Variants in CCKBR observed in about 807,000 individuals in gnomAD.
CCKBR encodes cholecystokinin B receptor.
Under a neutral mutation model 34.6 loss-of-function variants are expected in CCKBR, and 33 were observed. The ratio of observed to expected loss-of-function variants is 0.95; its 90% CI spans 0.72 to 1.27. The LOEUF is 1.27. Among genes scored for constraint, CCKBR ranks in the 50% most tolerant of loss-of-function variants. The pLI is 0.00. For missense variants in CCKBR, 652 were observed against 617.4 expected, an observed-to-expected ratio of 1.06 and a Z score of -0.59; for synonymous variants, 269 against 267.5, an observed-to-expected ratio of 1.01 and a Z score of -0.06.
At position 6,260,104 on chromosome 11, in the gene CCKBR, C is replaced by G. The variant is rs185132447; in HGVS notation, c.151+25C>G. 86 of 1,567,504 alleles carry G rather than the reference C, an allele frequency of 5.5e-5. 1 individual carries two copies. In the Admixed American group the frequency reaches 7.3e-4, roughly 13 times the overall value. On this transcript the variant is annotated intron_variant, in intron 1 of 4. Transcript: ENST00000334619. ...GGTGGGTGCCTCCCTCAGCCCCCCC[C>G]ACAAGCTATTTCTCACTGTACCCCA...
Position 6,259,864 on chromosome 11 carries a change from C to G in CCKBR, c.-65C>G. 7.7e-7 allele frequency: 1 copy of G among 1,297,960 alleles called. No homozygotes were observed. Among genetic ancestry groups the G allele is most frequent in the Non-Finnish European group, 1.0e-6 (1 of 996,616 alleles). The allele number at this position is 1,297,960 out of a possible 1,614,324, so 80.4% of individuals were successfully genotyped here. A position where few individuals can be genotyped will look rare whatever the true frequency, so the allele number is the denominator to read the frequency against. ...GCCTGAGCCGGAATCGCAGCGTGAGCAGGTGGAGCCGCGTTGGGAGCCCGC... is the reference window on the plus strand; with the variant it reads ...GCCTGAGCCGGAATCGCAGCGTGAGGAGGTGGAGCCGCGTTGGGAGCCCGC... On this transcript the variant is annotated 5_prime_UTR_variant, in exon 1 of 5. Transcript: ENST00000334619.
rs535193287 is a variant in CCKBR, at chr11:6,264,744, C to T, written c.151+4665C>T. 3.3e-4 allele frequency: 157 copies of T among 480,870 alleles called. 1 individual carries two copies. Among genetic ancestry groups the T allele is most frequent in the African/African-American group, 2.2e-3 (110 of 50,480 alleles). The allele number at this position is 480,870 out of a possible 1,614,324, so 29.8% of individuals were successfully genotyped here. A position where few individuals can be genotyped will look rare whatever the true frequency, so the allele number is the denominator to read the frequency against. On this transcript the variant is annotated intron_variant, in intron 1 of 4. Transcript: ENST00000334619. ...ATCAATACACACACACACACACACA[C>T]GCATACAAGTCTAAGTCTGATTTAT...
At chr11:6,269,097 G>A (rs1848250030) in intron 1 of CCKBR, among the ~76,000 whole-genome samples, 1 of 151,388 alleles carries the variant, frequency 6.6e-6, no homozygotes, top group African/African-American at 2.4e-5. Context: ...TCCCTTCTGG[G>A]AGGATCTTGA....
intron 1 of CCKBR, among the ~76,000 whole-genome samples, chr11:6,262,194 G>C (rs1263608597): frequency 6.6e-6 from 1 of 152,186 alleles, no homozygotes; most frequent in African/African-American, 2.4e-5. Flanking sequence ...GAATCCAGGG[G>C]TCTGGAACTT....
At chr11:6,262,917 A>G (rs1173498924) in intron 1 of CCKBR, among the ~76,000 whole-genome samples, 1 of 152,198 alleles carries the variant, frequency 6.6e-6, no homozygotes, top group East Asian at 1.9e-4. Flanking sequence ...TAGTCAATAG[A>G]GAAGATTCCC....
In CCKBR at chr11:6,269,696, T is replaced by C; in HGVS notation, c.179T>C (p.Leu60Pro). Reference protein sequence around the residue: ...RELELAIRITLYAVIFLMSVG... With the variant: ...RELELAIRITPYAVIFLMSVG... ...TTGGAGCTGGCCATTAGAATCACTC[T>C]TTACGCAGTGATCTTCCTGATGAGC... The change falls in exon 2 of 5, where the codon CTT becomes CCT. Residue 60 changes from leucine (L) to proline (P), a missense_variant. Physicochemically the swap from Leu to Pro is moderately conservative, Grantham distance 98. Transcript: ENST00000334619. 6.2e-7 allele frequency: 1 copy of C among 1,613,950 alleles called. No individual in the cohort carries two copies. Among genetic ancestry groups the C allele is most frequent in the Non-Finnish European group, 8.5e-7 (1 of 1,179,968 alleles).
chr11:6,268,253 T>G (rs1397522700), intron 1 of CCKBR, among the ~76,000 whole-genome samples: 1 of 152,152 alleles, frequency 6.6e-6, no homozygotes, highest in African/African-American at 2.4e-5. Flanking sequence ...AAAATGAGAA[T>G]CAGTCAAAGT....
intron 2 of CCKBR, 75 bp from the exon 3 acceptor site, chr11:6,270,013 T>C: frequency 1.3e-6 from 2 of 1,589,470 alleles, no homozygotes; most frequent in South Asian, 1.2e-5. Flanking sequence ...CAGGGAGGGG[T>C]GTGAGGAAGT....
chr11:6,263,920 TAA>T (rs1848172574), intron 1 of CCKBR, among the ~76,000 whole-genome samples: 1 of 152,256 alleles, frequency 6.6e-6, no homozygotes, highest in African/African-American at 2.4e-5. Context: ...CCTCTGAATG[TAA>T]TCTATGCTTC....
Position 6,271,732 on chromosome 11 carries a change from G to A in CCKBR, c.*189G>A. 1 of 590,472 alleles carries A rather than the reference G, an allele frequency of 1.7e-6. No individual in the cohort carries two copies. 36.6% of individuals were successfully genotyped at this position (590,472 alleles called of 1,614,324 possible). A position where few individuals can be genotyped will look rare whatever the true frequency, so the allele number is the denominator to read the frequency against. ...AATGGAGCAGTACATGGGAAAGGAG[G>A]CATGCCTCTGATATGGGACTGAGCC... On this transcript the variant is annotated 3_prime_UTR_variant, in exon 5 of 5. Coordinates refer to ENST00000334619, the MANE Select transcript of CCKBR (RefSeq NM_176875.4).
chr11:6,271,417 T>C lies in CCKBR; in HGVS notation c.1218T>C (p.Ala406=). 1 of 1,613,884 alleles carries C rather than the reference T, an allele frequency of 6.2e-7. No individual in the cohort carries two copies. The highest frequency in any genetic ancestry group is 8.5e-7 in the Non-Finnish European group (1 of 1,180,040). Residue 406 remains alanine (A), a synonymous_variant, in exon 5 of 5, where the codon GCT becomes GCC. Transcript: ENST00000334619. ...GCCAGGCCTGCCTGGAAACTTGCGC[T>C]CGCTGCTGCCCCCGGCCTCCACGAG... ...RFRQACLETC[A]RCCPRPPRAR...
chr11:6,266,439 A>C (rs1449378577), intron 1 of CCKBR, among the ~76,000 whole-genome samples: 1 of 152,216 alleles, frequency 6.6e-6, no homozygotes, highest in African/African-American at 2.4e-5. Flanking sequence ...CGGTGAGCCA[A>C]GATCATGCCA....
chr11:6,265,737 A>ATTT (rs1848200087), intron 1 of CCKBR, among the ~76,000 whole-genome samples: 1 of 152,148 alleles, frequency 6.6e-6, no homozygotes, highest in African/African-American at 2.4e-5. Context: ...ATCCTTCCTT[A>ATTT]CAGAGAGAGG....
At chr11:6,265,351 T>C (rs1295299195) in intron 1 of CCKBR, among the ~76,000 whole-genome samples, 1 of 152,252 alleles carries the variant, frequency 6.6e-6, no homozygotes, top group African/African-American at 2.4e-5. Context: ...TAGCTCCATC[T>C]TTATGGTCTA....
In CCKBR at chr11:6,270,308, C is replaced by T; in HGVS notation, c.624C>T (p.Arg208=). Residue 208 remains arginine, a synonymous_variant, in exon 3 of 5, where the codon CGC becomes CGT. Coordinates refer to ENST00000334619, the MANE Select transcript of CCKBR (RefSeq NM_176875.4). ...VGPRVLQCVH[R]WPSARVRQTW... is the part of the protein sequence containing the mutation. Reference sequence around the variant, plus strand: ...CTCGTGTGCTGCAGTGCGTGCATCGCTGGCCCAGTGCGCGGGTCCGCCAGA... The same window carrying T: ...CTCGTGTGCTGCAGTGCGTGCATCGTTGGCCCAGTGCGCGGGTCCGCCAGA... 3 of 1,613,220 alleles carry T rather than the reference C, an allele frequency of 1.9e-6. No individual in the cohort carries two copies. The highest frequency in any genetic ancestry group is 2.5e-6 in the Non-Finnish European group (3 of 1,179,854).
At position 6,270,793 on chromosome 11, in the gene CCKBR, C is replaced by A; in HGVS notation, c.801C>A (p.Gly267=). The A allele has an allele frequency of 6.2e-7, 1 of 1,614,112 alleles. No individual in the cohort carries two copies. Residue 267 remains glycine (G), a synonymous_variant, in exon 4 of 5, where the codon GGC becomes GGA. Transcript: ENST00000334619. ...GCCAAAGCAGGGTCCGAAACCAAGG[C>A]GGGCTGCCAGGTGGGGCTGGACCAC... ...SDSQSRVRNQ[G]GLPGAVHQNG...
rs1382735537 is a variant in CCKBR, at chr11:6,260,055, C to T, written c.127C>T (p.Arg43Cys). ...SVGNLSCEPP[R>C]IRGAGTRELE... ...GGGCAACCTCAGCTGCGAGCCCCCTCGCATTCGCGGAGCCGGGACACGAGG... is the reference window on the plus strand; with the variant it reads ...GGGCAACCTCAGCTGCGAGCCCCCTTGCATTCGCGGAGCCGGGACACGAGG... The change falls in exon 1 of 5, where the codon CGC (arginine) becomes TGC (cysteine). Residue 43 changes from arginine to cysteine, a missense_variant. Physicochemically the swap from Arg to Cys is radical, Grantham distance 180. Transcript: ENST00000334619. 6 of 1,595,172 alleles carry T rather than the reference C, an allele frequency of 3.8e-6. No individual in the cohort carries two copies. The highest frequency in any genetic ancestry group is 5.1e-6 in the Non-Finnish European group (6 of 1,173,168).
chr11:6,262,085 C>T (rs1399612442), intron 1 of CCKBR, among the ~76,000 whole-genome samples: 1 of 152,086 alleles, frequency 6.6e-6, no homozygotes, highest in African/African-American at 2.4e-5. Context: ...AACAAAACAG[C>T]AGAAACAGGT....
intron 1 of CCKBR, among the ~76,000 whole-genome samples, chr11:6,261,730 A>C (rs146898713): frequency 1.3e-5 from 2 of 152,270 alleles, no homozygotes; most frequent in Non-Finnish European, 2.9e-5. Flanking sequence ...TGGAACATGG[A>C]CTTTCTCCCG....
Sources: allele counts gnomAD v4.1 joint callset (sites outside exome capture counted in the v4.1 genomes callset), GRCh38; gene constraint gnomAD v4.1.1; transcripts MANE v1.5; gene names NCBI Gene and HGNC (gene_info 2026-07-23, HGNC 2026-07-21).